Variants in MRPS27 observed in about 807,000 individuals in gnomAD.
The protein encoded by MRPS27 is mitochondrial ribosomal protein S27, also known as small ribosomal subunit protein mS27.
Under a neutral mutation model 48.9 loss-of-function variants are expected in MRPS27, and 43 were observed. The observed-to-expected ratio is 0.88, with a 90% CI of 0.69 to 1.13. The LOEUF is 1.13. Among genes scored for constraint, MRPS27 ranks in the 50% most tolerant of loss-of-function variants. The probability of loss-of-function intolerance (pLI) is 0.00; values close to 1 mark genes in which losing one functional copy is unlikely to be tolerated. For synonymous variants in MRPS27, 188 were observed against 171.9 expected (o/e 1.09, Z -0.73); for missense variants, 467 against 476.3 (o/e 0.98, Z 0.18).
intron 5 of MRPS27, 71 bp from the exon 6 acceptor site, chr5:72,234,268 G>A (rs2111954400): frequency 8.4e-7 from 1 of 1,188,248 alleles, no homozygotes; most frequent in Admixed American, 4.1e-5. Flanking sequence ...ATATGCCTAT[G>A]TATTATTCAG....
intron 4 of MRPS27, among the ~76,000 whole-genome samples, chr5:72,278,374 C>T (rs1479533057): frequency 6.3e-5 from 9 of 142,222 alleles, no homozygotes; most frequent in Non-Finnish European, 1.0e-4. Context: ...ACCCAGGAGG[C>T]GGAGATTGCA....
At chr5:72,307,401 T>C (rs1213356294) in intron 2 of MRPS27, among the ~76,000 whole-genome samples, 1 of 152,146 alleles carries the variant, frequency 6.6e-6, no homozygotes, top group African/African-American at 2.4e-5. Flanking sequence ...GAACACTAAC[T>C]GGATATTTCG....
intron 4 of MRPS27, among the ~76,000 whole-genome samples, chr5:72,272,856 T>C (rs971351466): frequency 6.6e-6 from 1 of 152,150 alleles, no homozygotes; most frequent in African/African-American, 2.4e-5. Flanking sequence ...TGTCAACCCC[T>C]GGTATAAATG....
chr5:72,227,105 G>C (rs997395836), intron 8 of MRPS27: 12 of 152,344 alleles, frequency 7.9e-5, no homozygotes, highest in Non-Finnish European at 2.9e-5. Context: ...GCTTCCATCA[G>C]GGCTGAGTGA....
intron 4 of MRPS27, among the ~76,000 whole-genome samples, chr5:72,293,405 GC>G (rs921845450): frequency 1.3e-5 from 2 of 151,992 alleles, no homozygotes; most frequent in Non-Finnish European, 2.9e-5. Context: ...TTTGATTAAA[GC>G]AAAAAATGGG....
chr5:72,277,770 C>T (rs1024983617), intron 4 of MRPS27, among the ~76,000 whole-genome samples: 2 of 152,030 alleles, frequency 1.3e-5, no homozygotes, highest in African/African-American at 2.4e-5. Flanking sequence ...AAAAAAGGAA[C>T]GAGATCATGT....
intron 6 of MRPS27, among the ~76,000 whole-genome samples, chr5:72,232,827 T>A (rs1748099429): frequency 6.6e-6 from 1 of 152,160 alleles, no homozygotes; most frequent in Admixed American, 6.5e-5. Flanking sequence ...AAACCACTCA[T>A]TTCTCTTGGC....
chr5:72,272,535 C>T (rs963011951), intron 4 of MRPS27, among the ~76,000 whole-genome samples: 2 of 152,196 alleles, frequency 1.3e-5, no homozygotes, highest in Admixed American at 6.5e-5. Flanking sequence ...TGTGTTGTCA[C>T]AATTCGATAC....
intron 2 of MRPS27, among the ~76,000 whole-genome samples, chr5:72,297,942 T>G (rs1750024073): frequency 6.6e-6 from 1 of 152,166 alleles, no homozygotes; most frequent in African/African-American, 2.4e-5. Context: ...TTTAAAAAAA[T>G]GGATCAATTT....
intron 7 of MRPS27, among the ~76,000 whole-genome samples, chr5:72,231,927 G>A (rs1469786895): frequency 2.6e-5 from 4 of 152,238 alleles, no homozygotes; most frequent in African/African-American, 9.6e-5. Context: ...TGTAAAGTAA[G>A]TGCTACTTAA....
intron 4 of MRPS27, among the ~76,000 whole-genome samples, chr5:72,287,735 T>C (rs1028723240): frequency 1.3e-5 from 2 of 152,252 alleles, no homozygotes; most frequent in Non-Finnish European, 2.9e-5. Context: ...AAAGCCACAA[T>C]AAGATACCAC....
At chr5:72,300,161 G>A (rs1750089896) in intron 2 of MRPS27, among the ~76,000 whole-genome samples, 1 of 152,198 alleles carries the variant, frequency 6.6e-6, no homozygotes, top group Non-Finnish European at 1.5e-5. Context: ...AAATCCAGTG[G>A]TTAATTTTCT....
At chr5:72,310,706 T>G (rs1580119779) in intron 2 of MRPS27, among the ~76,000 whole-genome samples, 1 of 152,248 alleles carries the variant, frequency 6.6e-6, no homozygotes, top group Non-Finnish European at 1.5e-5. Flanking sequence ...AAGCCATGAA[T>G]GGATGCCAAA....
rs192100834 is a variant in MRPS27 at position 72,220,432 on chromosome 5, G to T, written c.*477C>A. ...CCTACTAAAGGAGGCCGAGGCAGGA[G>T]AATTGCTTGAACCTGGGAGTCGGAG... On this transcript the variant is annotated 3_prime_UTR_variant, in exon 11 of 11. Transcript: ENST00000261413. The T allele has an allele frequency of 4.5e-5, 7 of 155,798 alleles. No homozygotes were observed. The highest frequency in any genetic ancestry group is 1.2e-4 in the African/African-American group (5 of 41,614). The allele number at this position is 155,798 out of a possible 1,614,324, so 9.7% of individuals were successfully genotyped here.
intron 4 of MRPS27, among the ~76,000 whole-genome samples, chr5:72,242,036 G>A (rs1358345964): frequency 1.3e-5 from 2 of 152,200 alleles, no homozygotes; most frequent in African/African-American, 4.8e-5. Flanking sequence ...ACAATTCTGA[G>A]GAAATGTGTA....
rs114798556 is a variant in MRPS27 at position 72,292,112 on chromosome 5, C to T, written c.281+3419G>A. On this transcript the variant is annotated intron_variant, in intron 4 of 10. Transcript: ENST00000261413. ...ACAGCCCAACAGTATGCCTTGTTTC[C>T]TTATTTTGTTTATTTTACTTTGTTT... Among the ~76,000 whole-genome samples, 1,068 of 150,374 alleles carry T rather than the reference C, an allele frequency of 7.1e-3. 11 individuals carry two copies. The highest frequency in any genetic ancestry group is 0.025 in the African/African-American group (1,025 of 40,916).
At chr5:72,298,454 T>C (rs1235404972) in intron 2 of MRPS27, among the ~76,000 whole-genome samples, 1 of 152,196 alleles carries the variant, frequency 6.6e-6, no homozygotes, top group Non-Finnish European at 1.5e-5. Context: ...ATTCAGCCAC[T>C]GTGGAAAGCA....
intron 3 of MRPS27, among the ~76,000 whole-genome samples, 168 bp from the exon 4 acceptor site, chr5:72,295,757 C>A (rs1174628919): frequency 6.6e-6 from 1 of 152,186 alleles, no homozygotes; most frequent in East Asian, 1.9e-4. Flanking sequence ...ATCCTTGAAA[C>A]CCCTTTATGC....
intron 4 of MRPS27, among the ~76,000 whole-genome samples, chr5:72,250,723 T>C (rs752485889): frequency 6.6e-6 from 1 of 152,182 alleles, no homozygotes; most frequent in African/African-American, 2.4e-5. Context: ...ATAATTCTTT[T>C]TGGAACCAAA....
Sources: allele counts gnomAD v4.1 joint callset (sites outside exome capture counted in the v4.1 genomes callset), GRCh38; gene constraint gnomAD v4.1.1; transcripts MANE v1.5; gene names NCBI Gene and HGNC (gene_info 2026-07-23, HGNC 2026-07-21).